The following SCP2 variants were observed in gnomAD, a reference collection of about 807,000 sequenced individuals.
SCP2 encodes sterol carrier protein 2.
SCP2 carries 48 observed loss-of-function variants against 71.4 expected under a neutral mutation model. That is an observed-to-expected ratio of 0.67 (90% confidence interval 0.53 to 0.86). SCP2 has a LOEUF of 0.86. Ranked by LOEUF, SCP2 falls within the 40% of genes least tolerant of loss-of-function variation. SCP2 has a pLI of 0.00. For synonymous variants in SCP2, 220 were observed against 218.1 expected, an observed-to-expected ratio of 1.01 and a Z score of -0.08; for missense variants, 560 against 655.6, an observed-to-expected ratio of 0.85 and a Z score of 1.59.
chr1:52,949,115 C>T (rs1482972368), intron 3 of SCP2, among the ~76,000 whole-genome samples: 3 of 152,082 alleles, frequency 2.0e-5, no homozygotes, highest in African/African-American at 7.2e-5. Flanking sequence ...TGAATATATA[C>T]AGTATTATTA....
At chr1:52,966,540 G>GATAT (rs147670889) in intron 6 of SCP2, among the ~76,000 whole-genome samples, 11 of 149,628 alleles carry the variant, frequency 7.4e-5, no homozygotes, top group Admixed American at 2.0e-4. Flanking sequence ...ATTTGTAAGT[G>GATAT]ATATATATAT....
chr1:52,942,530 T>C (rs1654348172), intron 2 of SCP2, among the ~76,000 whole-genome samples: 1 of 151,904 alleles, frequency 6.6e-6, no homozygotes, highest in South Asian at 2.1e-4. Flanking sequence ...GAGATCCCCA[T>C]CCATTGTTCT....
In SCP2 at chr1:53,049,640, T is replaced by G. The variant is rs577601042; in HGVS notation, c.1549-969T>G. ...CTCCTGTACTACTGGTCCGTATTTT[T>G]AAATGATGTTTGTTCAATATATTGT... On this transcript the variant is annotated intron_variant, in intron 15 of 15. Transcript: ENST00000371514. The G allele has an allele frequency of 8.5e-5, 13 of 152,344 alleles. No homozygotes were observed. The South Asian group carries it at 2.7e-3, about 32-fold the overall frequency. 9.4% of individuals were successfully genotyped at this position (152,344 alleles called of 1,614,324 possible).
intron 5 of SCP2, among the ~76,000 whole-genome samples, chr1:52,960,038 C>G (rs1370021827): frequency 6.6e-6 from 1 of 151,742 alleles, no homozygotes; most frequent in Non-Finnish European, 1.5e-5. Flanking sequence ...ATTACAGGCG[C>G]CTGCCACCAC....
Position 52,993,384 on chromosome 1 carries a change from G to A in SCP2, c.1081+5248G>A, listed in dbSNP as rs117140349. 1.6e-3 allele frequency: 2,623 copies of A among 1,614,078 alleles called. 20 individuals carry two copies. The African/African-American group carries it at 0.022, about 14-fold the overall frequency. On this transcript the variant is annotated intron_variant, in intron 11 of 15. Coordinates refer to ENST00000371514, the MANE Select transcript of SCP2 (RefSeq NM_002979.5). ...ACCTTAAGTTGCCGTGCTAACTGCC[G>A]TCCTTCTTCCTGTGTTACCTGTCTT...
intron 4 of SCP2, among the ~76,000 whole-genome samples, chr1:52,951,102 C>G (rs1266483105): frequency 6.6e-6 from 1 of 151,816 alleles, no homozygotes; most frequent in Non-Finnish European, 1.5e-5. Context: ...GGCAATGTAA[C>G]AAAACCCCGT....
At chr1:52,973,512 C>T (rs766634314) in intron 6 of SCP2, among the ~76,000 whole-genome samples, 8 of 152,168 alleles carry the variant, frequency 5.3e-5, no homozygotes, top group Admixed American at 1.3e-4. Flanking sequence ...AATTCAGTCA[C>T]GAAAAGATAA....
At chr1:52,990,712 C>T (rs147821583) in intron 11 of SCP2, among the ~76,000 whole-genome samples, 2,066 of 114,108 alleles carry the variant, frequency 0.018, 64 homozygotes, top group African/African-American at 0.067. Context: ...CCAGCCTGGA[C>T]GACAGAGTGA....
At chr1:52,981,423 A>C (rs1658483107) in intron 10 of SCP2, among the ~76,000 whole-genome samples, 1 of 151,148 alleles carries the variant, frequency 6.6e-6, no homozygotes, top group Admixed American at 6.6e-5. Context: ...ATAGAATGTA[A>C]AGTATTTCAT....
chr1:52,974,635 G>A (rs1333468460), intron 6 of SCP2, 134 bp from the exon 7 acceptor site: 4 of 708,308 alleles, frequency 5.6e-6, no homozygotes, highest in Non-Finnish European at 1.1e-5. Flanking sequence ...CAGTGCTGAA[G>A]TCTTTAATAC....
intron 10 of SCP2, among the ~76,000 whole-genome samples, chr1:52,981,554 A>G (rs1231835219): frequency 6.6e-6 from 1 of 150,794 alleles, no homozygotes; most frequent in Non-Finnish European, 1.5e-5. Context: ...CTTGTGCCTC[A>G]GCCTCCCGAG....
rs143534429 is a variant in SCP2 at position 52,961,910 on chromosome 1, A to AT, written c.523+288dup. 0.026 allele frequency among the ~76,000 whole-genome samples: 4,001 copies of AT among 151,978 alleles called. 178 individuals carry two copies. The highest frequency in any genetic ancestry group is 0.091 in the African/African-American group (3,785 of 41,424). On this transcript the variant is annotated intron_variant, in intron 6 of 15. Coordinates refer to ENST00000371514, the MANE Select transcript of SCP2 (RefSeq NM_002979.5). ...CTCCTTTAATCATGGACTATAAATT[A>AT]TTTTTTTCCAAGCTGAGGGTTTCAC...
chr1:52,958,377 C>A (rs1199846452), intron 5 of SCP2, among the ~76,000 whole-genome samples: 7 of 151,712 alleles, frequency 4.6e-5, no homozygotes, highest in African/African-American at 1.7e-4. Context: ...ATTACAGGCT[C>A]CCACCGCCAT....
At chr1:52,971,951 T>G (rs1657539349) in intron 6 of SCP2, among the ~76,000 whole-genome samples, 1 of 152,162 alleles carries the variant, frequency 6.6e-6, no homozygotes, top group Admixed American at 6.5e-5. Flanking sequence ...GAAGAGGGAT[T>G]CTAGTTTCTA....
At chr1:52,953,805 A>G (rs1655534463) in intron 4 of SCP2, among the ~76,000 whole-genome samples, 1 of 149,326 alleles carries the variant, frequency 6.7e-6, no homozygotes, top group Non-Finnish European at 1.5e-5. Flanking sequence ...CCTGGGCAAC[A>G]TGGTGAGACT....
At position 53,048,346 on chromosome 1, in the gene SCP2, G is replaced by T. The variant is rs558642899; in HGVS notation, c.1548+409G>T. 1.7e-4 allele frequency: 47 copies of T among 270,994 alleles called. 1 individual carries two copies. The South Asian group carries it at 2.0e-3, about 12-fold the overall frequency. 16.8% of individuals were successfully genotyped at this position (270,994 alleles called of 1,614,324 possible). ...AGTGTTCCAGGAGGAGGGAGGGGTG[G>T]CATGAACAAAGGCCTGACCTTTTAC... On this transcript the variant is annotated intron_variant, in intron 15 of 15. Transcript: ENST00000371514.
chr1:53,013,733 G>A (rs188490705), intron 11 of SCP2, among the ~76,000 whole-genome samples: 1 of 152,182 alleles, frequency 6.6e-6, no homozygotes, highest in African/African-American at 2.4e-5. Flanking sequence ...GAAATGAAAA[G>A]CAGCAGTTAA....
chr1:53,009,752 G>A (rs375897016), intron 11 of SCP2, among the ~76,000 whole-genome samples: 1 of 152,176 alleles, frequency 6.6e-6, no homozygotes, highest in East Asian at 1.9e-4. Flanking sequence ...AAAAGCAATG[G>A]CAACAAAAGC....
chr1:52,943,563 C>A, intron 2 of SCP2: 1 of 335,886 alleles, frequency 3.0e-6, no homozygotes, highest in Admixed American at 3.7e-5. Context: ...ATGTAGTATG[C>A]TAGCTTGATG....
Sources: allele counts gnomAD v4.1 joint callset (sites outside exome capture counted in the v4.1 genomes callset), GRCh38; gene constraint gnomAD v4.1.1; transcripts MANE v1.5; gene names NCBI Gene and HGNC (gene_info 2026-07-23, HGNC 2026-07-21).